The following CDK19 variants were observed in gnomAD, a reference collection of about 807,000 sequenced individuals.
The protein encoded by CDK19 is cyclin dependent kinase 19.
A neutral mutation model predicts 68.3 loss-of-function variants in CDK19; 20 were observed. The ratio of observed to expected loss-of-function variants is 0.29; its 90% confidence interval spans 0.21 to 0.43. CDK19 has a LOEUF of 0.43. Among genes scored for constraint, CDK19 ranks in the 20% least tolerant of loss-of-function variants. The probability of loss-of-function intolerance (pLI) is 1.00; values close to 1 mark genes in which losing one functional copy is unlikely to be tolerated. For synonymous variants in CDK19, 221 were observed against 222.8 expected (o/e 0.99, Z 0.07); for missense variants, 339 against 623.5 (o/e 0.54, Z 4.86).
At chr6:110,786,469 G>A (rs75635284) in intron 1 of CDK19, among the ~76,000 whole-genome samples, 2 of 152,090 alleles carry the variant, frequency 1.3e-5, no homozygotes, top group Non-Finnish European at 2.9e-5. Flanking sequence ...GGAATGTATT[G>A]TTTTGAGCTT....
At chr6:110,651,232 ACTATCTATCTATCTAT>A (rs61558536) in intron 4 of CDK19, among the ~76,000 whole-genome samples, 1 of 149,820 alleles carries the variant, frequency 6.7e-6, no homozygotes, top group Non-Finnish European at 1.5e-5. Context: ...AAATAGATCT[ACTATCTATCTATCTAT>A]CTATCTATCT....
At chr6:110,642,439 G>C (rs1197957407) in intron 4 of CDK19, among the ~76,000 whole-genome samples, 1 of 151,792 alleles carries the variant, frequency 6.6e-6, no homozygotes, top group Non-Finnish European at 1.5e-5. Context: ...AGATGCTACA[G>C]AAGCAGCAGA....
At chr6:110,716,348 T>A (rs1775392330) in intron 2 of CDK19, among the ~76,000 whole-genome samples, 1 of 152,132 alleles carries the variant, frequency 6.6e-6, no homozygotes, top group African/African-American at 2.4e-5. Context: ...TCATACTTTC[T>A]ATTTATTAAA....
At chr6:110,665,913 T>C (rs1231187163) in intron 4 of CDK19, among the ~76,000 whole-genome samples, 1 of 151,958 alleles carries the variant, frequency 6.6e-6, no homozygotes, top group African/African-American at 2.4e-5. Flanking sequence ...AGCCAATTTT[T>C]CTATTTTTTG....
At chr6:110,726,121 T>C (rs993870385) in intron 2 of CDK19, among the ~76,000 whole-genome samples, 2 of 152,182 alleles carry the variant, frequency 1.3e-5, no homozygotes, top group Admixed American at 6.5e-5. Context: ...GAAAGGAAAC[T>C]ATCTTATCTG....
At chr6:110,802,189 C>G (rs998153696) in intron 1 of CDK19, among the ~76,000 whole-genome samples, 3 of 152,062 alleles carry the variant, frequency 2.0e-5, no homozygotes, top group Non-Finnish European at 4.4e-5. Flanking sequence ...AGGTATCTAC[C>G]CAGAGGAAAA....
At chr6:110,646,644 A>T in intron 4 of CDK19, 3 of 532,252 alleles carry the variant, frequency 5.6e-6, no homozygotes, top group Non-Finnish European at 6.3e-6. Context: ...TAGTTTTACT[A>T]CTCCCTTTTC....
chr6:110,610,803 T>C lies in CDK19; in HGVS notation c.*3732A>G, dbSNP rs1777984398. Reference sequence around the variant, plus strand: ...CATTGTATAGTTTCTGCTGCATAAATTTACTCAAAAGCACATCAAGTTGCA... The same window carrying C: ...CATTGTATAGTTTCTGCTGCATAAACTTACTCAAAAGCACATCAAGTTGCA... On this transcript the variant is annotated 3_prime_UTR_variant, in exon 13 of 13. Coordinates refer to ENST00000368911, the MANE Select transcript of CDK19 (RefSeq NM_015076.5). 6.6e-6 allele frequency: 1 copy of C among 152,210 alleles called. No individual in the cohort carries two copies. The highest frequency in any genetic ancestry group is 2.4e-5 in the African/African-American group (1 of 41,458). The allele number at this position is 152,210 out of a possible 1,614,324, so 9.4% of individuals were successfully genotyped here.
intron 1 of CDK19, among the ~76,000 whole-genome samples, chr6:110,786,388 A>G (rs1321096132): frequency 6.6e-6 from 1 of 151,988 alleles, no homozygotes; most frequent in Non-Finnish European, 1.5e-5. Context: ...TTCCTTCATG[A>G]TTTCCTTAAC....
chr6:110,797,981 T>C (rs1403513000), intron 1 of CDK19, among the ~76,000 whole-genome samples: 1 of 76,460 alleles, frequency 1.3e-5, no homozygotes, highest in African/African-American at 6.5e-5. Flanking sequence ...CAAGACTCCG[T>C]CTCAAAAAAA....
At position 110,663,436 on chromosome 6, in the gene CDK19, CA is replaced by C. The variant is rs575199290; in HGVS notation, c.456+3997del. Among the ~76,000 whole-genome samples, 20 of 152,276 alleles carry C rather than the reference CA, an allele frequency of 1.3e-4. 1 individual carries two copies. The South Asian group carries it at 4.1e-3, about 32-fold the overall frequency. On this transcript the variant is annotated intron_variant, in intron 4 of 12. Transcript: ENST00000368911. ...AAATCTACTCCTGAAAGTACTTTGGCAAAACCATGACAATATGGCACAGATA... is the reference window on the plus strand; with the variant it reads ...AAATCTACTCCTGAAAGTACTTTGGCAAACCATGACAATATGGCACAGATA...
chr6:110,674,239 C>G (rs898642507), intron 2 of CDK19, among the ~76,000 whole-genome samples: 1 of 152,210 alleles, frequency 6.6e-6, no homozygotes, highest in Non-Finnish European at 1.5e-5. Flanking sequence ...GTTCCCCCAT[C>G]TTTCTCCCTC....
At chr6:110,693,942 G>A (rs576643909) in intron 2 of CDK19, among the ~76,000 whole-genome samples, 93 of 152,074 alleles carry the variant, frequency 6.1e-4, no homozygotes, top group Non-Finnish European at 1.0e-3. Flanking sequence ...GAGTGAATTC[G>A]CCACTACCAA....
chr6:110,626,182 C>T (rs1283486780), intron 8 of CDK19, among the ~76,000 whole-genome samples: 27 of 152,170 alleles, frequency 1.8e-4, no homozygotes, highest in Admixed American at 1.8e-3. Flanking sequence ...ATATAAACTA[C>T]CTATTGACCC....
chr6:110,743,627 G>A (rs1777846493), intron 2 of CDK19, among the ~76,000 whole-genome samples: 1 of 152,026 alleles, frequency 6.6e-6, no homozygotes, highest in Non-Finnish European at 1.5e-5. Context: ...GGGTGACAGA[G>A]TGAGATTCTG....
chr6:110,681,483 A>G (rs1371959666), intron 2 of CDK19, among the ~76,000 whole-genome samples: 1 of 152,230 alleles, frequency 6.6e-6, no homozygotes, highest in Non-Finnish European at 1.5e-5. Context: ...TATAATTTAA[A>G]AACAAATACA....
At chr6:110,759,229 T>C (rs550738232) in intron 1 of CDK19, among the ~76,000 whole-genome samples, 4 of 148,934 alleles carry the variant, frequency 2.7e-5, no homozygotes, top group African/African-American at 9.9e-5. Flanking sequence ...TGAAACCCCA[T>C]CTCTACTAAA....
chr6:110,774,715 C>CA (rs1359404086), intron 1 of CDK19, among the ~76,000 whole-genome samples: 2 of 152,152 alleles, frequency 1.3e-5, no homozygotes, highest in Non-Finnish European at 2.9e-5. Flanking sequence ...TTTGGGAAGC[C>CA]AAGGCCGGTG....
chr6:110,795,695 C>G (rs1278710401), intron 1 of CDK19, among the ~76,000 whole-genome samples: 3 of 151,920 alleles, frequency 2.0e-5, no homozygotes, highest in Admixed American at 1.3e-4. Context: ...TATTAAGGAC[C>G]AAGATTTAGA....
Sources: gnomAD v4.1 joint callset for allele counts (sites outside exome capture counted in the v4.1 genomes callset) on GRCh38, gnomAD v4.1.1 for gene constraint, MANE v1.5 for transcripts, NCBI Gene and HGNC (gene_info 2026-07-23, HGNC 2026-07-21) for gene names.